Variants in ZNF385D observed in about 807,000 individuals in gnomAD.
ZNF385D encodes the protein zinc finger protein 659.
A neutral mutation model predicts 35.8 loss-of-function variants in ZNF385D; 15 were observed. The observed-to-expected ratio is 0.42, with a 90% confidence interval of 0.28 to 0.64. The LOEUF is 0.64. ZNF385D is among the 30% of genes least tolerant of loss of function. The pLI, the probability that ZNF385D is intolerant of heterozygous loss-of-function variation, is 0.23. For synonymous variants in ZNF385D, 212 were observed against 186.8 expected (o/e 1.13, Z -1.10); for missense variants, 474 against 494.6 (o/e 0.96, Z 0.39).
intron 3 of ZNF385D, among the ~76,000 whole-genome samples, chr3:21,821,362 A>G (rs537518037): frequency 6.6e-6 from 1 of 152,338 alleles, no homozygotes; most frequent in East Asian, 1.9e-4. Context: ...CTGGAAATTA[A>G]GCATTTGACA....
chr3:22,011,991 G>C lies in ZNF385D; in HGVS notation c.325+156826C>G, dbSNP rs755790206. Among the ~76,000 whole-genome samples, 17 of 152,000 alleles carry C rather than the reference G, an allele frequency of 1.1e-4. 1 individual carries two copies. Among genetic ancestry groups the C allele is most frequent in the Admixed American group, 7.2e-4 (11 of 15,264 alleles). ...TTCTTTGACTTCTTTCAAGTATTGT[G>C]TTTCTAGATCCACATAACATAATCA... On this transcript the variant is annotated intron_variant, in intron 3 of 5. Transcript: ENST00000494108.
Position 21,415,066 on chromosome 3 carries a change from G to A in ZNF385D, c.*6148C>T, listed in dbSNP as rs772411539. On this transcript the variant is annotated 3_prime_UTR_variant, in exon 8 of 8. Transcript: ENST00000281523. ...CAATAAAACCCATATCATTATTTTGGTTAACAAAATTTAACACACTTCACT... is the reference window on the plus strand; with the variant it reads ...CAATAAAACCCATATCATTATTTTGATTAACAAAATTTAACACACTTCACT... The A allele has an allele frequency of 1.3e-5, 2 of 152,008 alleles. No individual in the cohort carries two copies. The highest frequency in any genetic ancestry group is 2.9e-5 in the Non-Finnish European group (2 of 67,968). 9.4% of individuals were successfully genotyped at this position (152,008 alleles called of 1,614,324 possible). A position where few individuals can be genotyped will look rare whatever the true frequency, so the allele number is the denominator to read the frequency against.
At chr3:22,075,608 C>T (rs1403542488) in intron 3 of ZNF385D, among the ~76,000 whole-genome samples, 1 of 151,862 alleles carries the variant, frequency 6.6e-6, no homozygotes, top group Non-Finnish European at 1.5e-5. Flanking sequence ...TTGTCCTTCT[C>T]TGTTAAACTA....
chr3:22,204,121 C>A (rs1394424191), intron 2 of ZNF385D, among the ~76,000 whole-genome samples: 1 of 151,988 alleles, frequency 6.6e-6, no homozygotes, highest in East Asian at 1.9e-4. Context: ...TTCCCCAGCT[C>A]CAGACAGCTC....
chr3:22,326,965 G>A (rs944289788), intron 2 of ZNF385D, among the ~76,000 whole-genome samples: 3 of 152,158 alleles, frequency 2.0e-5, no homozygotes, highest in East Asian at 3.9e-4. Flanking sequence ...TGGAACATTT[G>A]CAAGTTCCAA....
intron 3 of ZNF385D, among the ~76,000 whole-genome samples, chr3:21,830,325 G>C (rs778915926): frequency 1.5e-4 from 23 of 152,136 alleles, no homozygotes; most frequent in Non-Finnish European, 3.2e-4. Flanking sequence ...TTGATTAACT[G>C]AGTTGATGAG....
In ZNF385D at chr3:22,362,601, C is replaced by T. The variant is rs193267571; in HGVS notation, c.106+9849G>A. Among the ~76,000 whole-genome samples, 1,013 of 152,176 alleles carry T rather than the reference C, an allele frequency of 6.7e-3. 10 individuals are homozygous for T. Among genetic ancestry groups the T allele is most frequent in the Non-Finnish European group, 9.5e-3 (645 of 67,968 alleles). On this transcript the variant is annotated intron_variant, in intron 2 of 5. Coordinates refer to the ZNF385D transcript ENST00000494108. Reference sequence around the variant, plus strand: ...ATCTTACAGAACATAGGTTTGAGTACTTCTTATCGTTCCGACTCTTAAGGA... The same window carrying T: ...ATCTTACAGAACATAGGTTTGAGTATTTCTTATCGTTCCGACTCTTAAGGA...
chr3:21,636,422 T>TATATATATA (rs1234469691), intron 2 of ZNF385D, among the ~76,000 whole-genome samples: 1 of 76,752 alleles, frequency 1.3e-5, no homozygotes, highest in Non-Finnish European at 2.7e-5. Flanking sequence ...ATAGAGTTTC[T>TATATATATA]TAAGGAGTAT....
intron 3 of ZNF385D, among the ~76,000 whole-genome samples, chr3:21,893,359 A>G (rs1193044209): frequency 6.6e-6 from 1 of 152,236 alleles, no homozygotes; most frequent in Middle Eastern, 3.4e-3. Flanking sequence ...AAAAATAATA[A>G]CAAACAAAAA....
chr3:22,272,580 A>C (rs1701232129), intron 2 of ZNF385D, among the ~76,000 whole-genome samples: 5 of 152,040 alleles, frequency 3.3e-5, no homozygotes, highest in African/African-American at 1.2e-4. Context: ...CCTGTGATTT[A>C]GTTTAGGTAT....
intron 2 of ZNF385D, among the ~76,000 whole-genome samples, chr3:22,174,206 G>A (rs1231868763): frequency 1.3e-5 from 2 of 152,118 alleles, no homozygotes; most frequent in African/African-American, 2.4e-5. Context: ...CAATTTTAAT[G>A]AGTAGAAAAC....
chr3:22,317,278 T>TCC (rs200613614), intron 2 of ZNF385D, among the ~76,000 whole-genome samples: 1 of 33,486 alleles, frequency 3.0e-5, no homozygotes, highest in Non-Finnish European at 4.7e-5. Context: ...AAACTCCATC[T>TCC]CCAAAAAAAA....
chr3:22,344,436 C>G (rs1489117039), intron 2 of ZNF385D, among the ~76,000 whole-genome samples: 1 of 152,116 alleles, frequency 6.6e-6, no homozygotes, highest in African/African-American at 2.4e-5. Flanking sequence ...GTCACCCAAG[C>G]TAGAGTGCAG....
chr3:21,718,329 C>T (rs2068407049), intron 1 of ZNF385D, among the ~76,000 whole-genome samples: 1 of 152,194 alleles, frequency 6.6e-6, no homozygotes, highest in Admixed American at 6.5e-5. Flanking sequence ...GGTTCTTACT[C>T]AGTCTCCAGA....
intron 3 of ZNF385D, among the ~76,000 whole-genome samples, chr3:21,540,746 A>G (rs2062153093): frequency 6.6e-6 from 1 of 152,218 alleles, no homozygotes; most frequent in Non-Finnish European, 1.5e-5. Context: ...AAGAGTAACC[A>G]CATACCCTGA....
chr3:21,442,886 A>AGTGT (rs4045435), intron 4 of ZNF385D, among the ~76,000 whole-genome samples: 32,087 of 146,892 alleles, frequency 0.22, 3,976 homozygotes, highest in East Asian at 0.43. Flanking sequence ...TCTGTGTATA[A>AGTGT]GTGTGTGTGT....
chr3:22,292,061 C>A (rs1320048691), intron 2 of ZNF385D, among the ~76,000 whole-genome samples: 1 of 151,968 alleles, frequency 6.6e-6, no homozygotes, highest in Admixed American at 6.6e-5. Flanking sequence ...TTTGACTTTT[C>A]ATTTCTGCTT....
chr3:22,318,153 T>G (rs189465935), intron 2 of ZNF385D, among the ~76,000 whole-genome samples: 1 of 152,072 alleles, frequency 6.6e-6, no homozygotes, highest in Non-Finnish European at 1.5e-5. Context: ...AAGGCAAGAT[T>G]CTGAGGAAAT....
rs1222533662 is a variant in ZNF385D, at chr3:21,986,083, A to G, written c.325+182734T>C. Among the ~76,000 whole-genome samples the G allele has an allele frequency of 1.0e-4, 10 of 99,526 alleles. No homozygotes were observed. In the East Asian group the frequency reaches 2.3e-3, roughly 22 times the overall value. The allele number at this position is 99,526 out of a possible 152,430, so 65.3% of individuals were successfully genotyped here. On this transcript the variant is annotated intron_variant, in intron 3 of 5. Coordinates refer to the ZNF385D transcript ENST00000494108. ...TTTTTTCTTTATTAGTCTTCCTAGC[A>G]GTCTATCAATTTTGTTGATCCTTTC...
Sources: allele counts gnomAD v4.1 joint callset (sites outside exome capture counted in the v4.1 genomes callset), GRCh38; gene constraint gnomAD v4.1.1; transcripts MANE v1.5; gene names NCBI Gene and HGNC (gene_info 2026-07-23, HGNC 2026-07-21).